The following MTERF1 variants were observed in gnomAD, a reference collection of about 807,000 sequenced individuals.
The protein encoded by MTERF1 is transcription termination factor 1, mitochondrial.
In MTERF1, 29 loss-of-function variants were observed where a neutral mutation model predicts 31.6. The observed-to-expected ratio is 0.92, with a 90% CI of 0.68 to 1.25. The LOEUF is 1.25. MTERF1 is among the 50% of genes most tolerant of loss of function. MTERF1 has a pLI of 0.00. For synonymous variants in MTERF1, 152 were observed against 164.1 expected, an observed-to-expected ratio of 0.93 and a Z score of 0.57; for missense variants, 500 against 469.1, an observed-to-expected ratio of 1.07 and a Z score of -0.61.
intron 2 of MTERF1, among the ~76,000 whole-genome samples, chr7:91,878,709 C>T (rs1046622674): frequency 1.1e-4 from 16 of 152,228 alleles, no homozygotes; most frequent in African/African-American, 3.9e-4. Flanking sequence ...ACAGCACACA[C>T]CTATAGTCCC....
intron 1 of MTERF1, 190 bp from the exon 2 acceptor site, chr7:91,880,303 A>C: frequency 1.8e-6 from 1 of 547,164 alleles, no homozygotes; most frequent in East Asian, 3.0e-5. Context: ...ATGATGGGAA[A>C]AGGTAGCGGA....
intron 2 of MTERF1, chr7:91,877,072 CAT>C (rs1491338187): frequency 7.2e-6 from 2 of 278,308 alleles, no homozygotes; most frequent in Admixed American, 6.5e-5. Context: ...ATTCTTTCTA[CAT>C]ATGTTTTATA....
chr7:91,875,440 A>G (rs1789324501), intron 2 of MTERF1, among the ~76,000 whole-genome samples: 2 of 151,804 alleles, frequency 1.3e-5, no homozygotes, highest in African/African-American at 4.8e-5. Context: ...TTTTTTGTAG[A>G]GACAGTGTTT....
chr7:91,877,808 G>A (rs1414906746), intron 2 of MTERF1, among the ~76,000 whole-genome samples: 2 of 151,980 alleles, frequency 1.3e-5, no homozygotes, highest in Non-Finnish European at 2.9e-5. Context: ...AGCTCTCCCC[G>A]AAAAAACAAA....
At position 91,872,951 on chromosome 7, in the gene MTERF1, T is replaced by A. The variant is rs1789219227; in HGVS notation, c.*643A>T. Reference sequence around the variant, plus strand: ...TCACATTTAGTTTTTTATGCACACATTTAAGACTTTATAAACACTAACATT... The same window carrying A: ...TCACATTTAGTTTTTTATGCACACAATTAAGACTTTATAAACACTAACATT... On this transcript the variant is annotated 3_prime_UTR_variant, in exon 3 of 3. Coordinates refer to ENST00000351870, the MANE Select transcript of MTERF1 (RefSeq NM_006980.5). 6.6e-6 allele frequency: 1 copy of A among 152,220 alleles called. No individual in the cohort carries two copies. The highest frequency in any genetic ancestry group is 1.5e-5 in the Non-Finnish European group (1 of 68,028). The allele number at this position is 152,220 out of a possible 1,614,324, so 9.4% of individuals were successfully genotyped here.
chr7:91,874,400 T>C lies in MTERF1; in HGVS notation c.394A>G (p.Ile132Val), dbSNP rs767105039. Residue 132 changes from isoleucine (I) to valine (V), a missense_variant, in exon 3 of 3, where the codon ATA becomes GTA. Coordinates refer to ENST00000351870, the MANE Select transcript of MTERF1 (RefSeq NM_006980.5). ...GAAAGATTCTCGGGAGTACGTGTTATTGCTCGTGGATATCTTGATATGATG... is the reference window on the plus strand; with the variant it reads ...GAAAGATTCTCGGGAGTACGTGTTACTGCTCGTGGATATCTTGATATGATG... The part of the protein sequence containing the change: ...ASIISRYPRA[I>V]TRTPENLSKR... 8.7e-6 allele frequency: 14 copies of C among 1,614,100 alleles called. No homozygotes were observed. The Admixed American group carries it at 1.7e-4, about 19-fold the overall frequency.
intron 2 of MTERF1, among the ~76,000 whole-genome samples, chr7:91,877,387 T>C (rs1392241598): frequency 6.6e-6 from 1 of 152,236 alleles, no homozygotes; most frequent in Non-Finnish European, 1.5e-5. Context: ...TCATGTCTTG[T>C]GTATAACTCA....
chr7:91,874,588 G>A lies in MTERF1; in HGVS notation c.206C>T (p.Pro69Leu). ...TTTCAGTAGGTCCTCATTTTTCAAA[G>A]GCTCACTGTCTGTATTATGACACTT... The part of the protein sequence containing the change: ...GVKCHNTDSE[P>L]LKNEDLLKNL... The change falls in exon 3 of 3, where the codon CCT becomes CTT. Residue 69 changes from proline to leucine, a missense_variant. By Grantham distance (98) the Pro-to-Leu change is moderately conservative. Coordinates refer to ENST00000351870, the MANE Select transcript of MTERF1 (RefSeq NM_006980.5). The A allele has an allele frequency of 6.2e-7, 1 of 1,613,972 alleles. No individual in the cohort carries two copies. The highest frequency in any genetic ancestry group is 8.5e-7 in the Non-Finnish European group (1 of 1,180,002).
At chr7:91,880,263 G>C in intron 1 of MTERF1, 150 bp from the exon 2 acceptor site, 20 of 622,566 alleles carry the variant, frequency 3.2e-5, no homozygotes, top group Admixed American at 3.1e-5. Flanking sequence ...CAGACATACA[G>C]AAAAGAAAAC....
chr7:91,874,747 T>C lies in MTERF1; in HGVS notation c.47A>G (p.Asn16Ser). The C allele has an allele frequency of 1.2e-6, 2 of 1,602,540 alleles. No individual in the cohort carries two copies. Among genetic ancestry groups the C allele is most frequent in the East Asian group, 4.5e-5 (2 of 44,778 alleles). Residue 16 changes from asparagine (N) to serine (S), a missense_variant, in exon 3 of 3, where the codon AAC (asparagine) becomes AGC (serine). Transcript: ENST00000351870. Reference sequence around the variant, plus strand: ...TCCTGGTGCCATAATGGTTAGGTAGTTCAAACCTTTTGAAATGCTGTGTAA... The same window carrying C: ...TCCTGGTGCCATAATGGTTAGGTAGCTCAAACCTTTTGAAATGCTGTGTAA... ...LGQTSISKGLNYLTIMAPGNL... is the reference protein window; with the variant it reads ...LGQTSISKGLSYLTIMAPGNL...
rs202031297 is a variant in MTERF1, at chr7:91,874,385, C to T, written c.409G>A (p.Glu137Lys). 7.4e-6 allele frequency: 12 copies of T among 1,614,112 alleles called. No homozygotes were observed. Among genetic ancestry groups the T allele is most frequent in the African/African-American group, 6.7e-5 (5 of 75,038 alleles). The change falls in exon 3 of 3, where the codon GAG (glutamate) becomes AAG (lysine). Residue 137 changes from glutamate to lysine, a missense_variant. By Grantham distance (56) the Glu-to-Lys change is moderately conservative (BLOSUM62 1). Transcript: ENST00000351870. ...RYPRAITRTPENLSKRWDLWR... is the reference protein window; with the variant it reads ...RYPRAITRTPKNLSKRWDLWR... ...AGATCCCACCGTTTTGAAAGATTCT[C>T]GGGAGTACGTGTTATTGCTCGTGGA... is the stretch of plus-strand genomic sequence containing the variant.
At chr7:91,878,042 A>T (rs1789390032) in intron 2 of MTERF1, among the ~76,000 whole-genome samples, 1 of 152,174 alleles carries the variant, frequency 6.6e-6, no homozygotes, top group South Asian at 2.1e-4. Context: ...ATGCCTATCC[A>T]TAGGACAAGG....
intron 2 of MTERF1, among the ~76,000 whole-genome samples, chr7:91,879,179 A>G (rs1305694112): frequency 6.6e-6 from 1 of 151,924 alleles, no homozygotes; most frequent in Non-Finnish European, 1.5e-5. Context: ...AAAGAAAGAA[A>G]AAGGATGACC....
At position 91,873,536 on chromosome 7, in the gene MTERF1, CT is replaced by C; in HGVS notation, c.*57del. The C allele has an allele frequency of 7.1e-7, 1 of 1,404,138 alleles. No homozygotes were observed. The highest frequency in any genetic ancestry group is 9.6e-7 in the Non-Finnish European group (1 of 1,042,204). 87.0% of individuals were successfully genotyped at this position (1,404,138 alleles called of 1,614,324 possible). On this transcript the variant is annotated 3_prime_UTR_variant, in exon 3 of 3. Transcript: ENST00000351870. ...TTAAATTAATCACTTCTGCAAAATT[CT>C]TTTGCAATGTGGCATAACATATTCA...
chr7:91,880,165 T>G, intron 1 of MTERF1, 52 bp from the exon 2 acceptor site: 1 of 1,455,344 alleles, frequency 6.9e-7, no homozygotes, highest in Non-Finnish European at 9.5e-7. Flanking sequence ...CAGGCCTTCC[T>G]AATACAAAAT....
rs763844099 is a variant in MTERF1, at chr7:91,874,133, C to T, written c.661G>A (p.Ala221Thr). The T allele has an allele frequency of 2.2e-5, 36 of 1,613,990 alleles. No individual in the cohort carries two copies. In the South Asian group the frequency reaches 4.0e-4, roughly 18 times the overall value. Residue 221 changes from alanine to threonine, a missense_variant, in exon 3 of 3, where the codon GCC (alanine) becomes ACC (threonine). Physicochemically the swap from Ala to Thr is moderately conservative, Grantham distance 58. Transcript: ENST00000351870. ...TCATTGTGACCCAATGACAAACCGG[C>T]TGCCTGCAAAAATTCAACCATCTGT... ...NKQMVEFLQAAGLSLGHNDPA... is the reference protein window; with the variant it reads ...NKQMVEFLQATGLSLGHNDPA...
At chr7:91,878,456 G>T (rs185072159) in intron 2 of MTERF1, among the ~76,000 whole-genome samples, 54 of 152,302 alleles carry the variant, frequency 3.5e-4, no homozygotes, top group African/African-American at 1.3e-3. Context: ...TATTGTTAAT[G>T]GACCAGAATT....
chr7:91,874,653 T>C lies in MTERF1; in HGVS notation c.141A>G (p.Glu47=), dbSNP rs751851767. The C allele has an allele frequency of 1.2e-6, 2 of 1,614,000 alleles. No individual in the cohort carries two copies. Among genetic ancestry groups the C allele is most frequent in the African/African-American group, 1.3e-5 (1 of 74,932 alleles). ...TAAATGAAACTGATTTGAAGATGTT[T>C]TCTGCTGAAAATCGAGTCATCCAAC... ...SRCWMTRFSA[E]NIFKSVSFRL... is the part of the protein sequence containing the mutation. The change falls in exon 3 of 3, where the codon GAA becomes GAG. Residue 47 remains glutamate, a synonymous_variant. Transcript: ENST00000351870.
chr7:91,877,599 T>C (rs1789378172), intron 2 of MTERF1, among the ~76,000 whole-genome samples: 1 of 152,214 alleles, frequency 6.6e-6, no homozygotes, highest in Admixed American at 6.5e-5. Flanking sequence ...TAGACTCAAC[T>C]TCTTTGGCAT....
Sources: allele counts gnomAD v4.1 joint callset (sites outside exome capture counted in the v4.1 genomes callset), GRCh38; gene constraint gnomAD v4.1.1; transcripts MANE v1.5; gene names NCBI Gene and HGNC (gene_info 2026-07-23, HGNC 2026-07-21).